The following ITGB2 variants were observed in gnomAD, a reference collection of about 807,000 sequenced individuals.
ITGB2 encodes the protein integrin subunit beta 2.
ITGB2 carries 56 observed loss-of-function variants against 86.8 expected under a neutral mutation model. The observed-to-expected ratio is 0.65, with a 90% confidence interval of 0.52 to 0.81. The LOEUF (loss-of-function observed/expected upper bound fraction) is 0.81, where lower values mean the gene tolerates loss of function less well. Ranked by LOEUF, ITGB2 falls within the 30% of genes least tolerant of loss-of-function variation. The pLI is 0.00. For missense variants in ITGB2, 948 were observed against 1,061.2 expected (o/e 0.89, Z 1.48); for synonymous variants, 457 against 450.4 (o/e 1.01, Z -0.19).
chr21:44,886,802 G>A lies in ITGB2; in HGVS notation c.2181C>T (p.Ile727=). The A allele has an allele frequency of 6.2e-7, 1 of 1,613,926 alleles. No homozygotes were observed. Residue 727 remains isoleucine (I), a synonymous_variant, in exon 15 of 16, where the codon ATC becomes ATT. Coordinates refer to ENST00000652462, the MANE Select transcript of ITGB2 (RefSeq NM_000211.5). ...ILLLVIWKAL[I]HLSDLREYRR... ...TGTACTCCCGGAGGTCGCTCAGGTG[G>A]ATCAGAGCCTTCCAGATGACCAGCA...
chr21:44,888,732 C>T lies in ITGB2; in HGVS notation c.2041G>A (p.Gly681Arg), dbSNP rs778865777. 98 of 1,610,958 alleles carry T rather than the reference C, an allele frequency of 6.1e-5. No homozygotes were observed. The highest frequency in any genetic ancestry group is 3.3e-4 in the Middle Eastern group (2 of 6,082). ...WVAYTLEQQD[G>R]MDRYLIYVDE... Reference sequence around the variant, plus strand: ...ACATAGATGAGGTAGCGGTCCATCCCGTCCTGCTGCTCCAGCGTGTAGGCC... The same window carrying T: ...ACATAGATGAGGTAGCGGTCCATCCTGTCCTGCTGCTCCAGCGTGTAGGCC... The change falls in exon 14 of 16, where the codon GGG becomes AGG. Residue 681 changes from glycine (G) to arginine (R), a missense_variant. Coordinates refer to ENST00000652462, the MANE Select transcript of ITGB2 (RefSeq NM_000211.5).
chr21:44,912,874 G>A (rs868511491), intron 1 of ITGB2, among the ~76,000 whole-genome samples: 1,014 of 68,932 alleles, frequency 0.015, 6 homozygotes, highest in African/African-American at 0.059. Context: ...GGGTCCAGCC[G>A]GCTTCAGGAC....
chr21:44,888,859 G>T lies in ITGB2; in HGVS notation c.1914C>A (p.Pro638=). ...CAECLKFEKG[P]FGKNCSAACP... is the part of the protein sequence containing the mutation. ...ACGCCGCGCTGCAGTTCTTCCCAAAGGGGCCCTTTTCGAACTTCAGGCACT... is the reference window on the plus strand; with the variant it reads ...ACGCCGCGCTGCAGTTCTTCCCAAATGGGCCCTTTTCGAACTTCAGGCACT... The change falls in exon 14 of 16, where the codon CCC becomes CCA. Residue 638 remains proline, a synonymous_variant. Coordinates refer to ENST00000652462, the MANE Select transcript of ITGB2 (RefSeq NM_000211.5). 3 of 1,608,930 alleles carry T rather than the reference G, an allele frequency of 1.9e-6. No homozygotes were observed. The highest frequency in any genetic ancestry group is 2.5e-6 in the Non-Finnish European group (3 of 1,179,944).
chr21:44,896,006 T>TGCCTGCGGTGTGAGTGATCCC (rs1354352877), intron 8 of ITGB2, among the ~76,000 whole-genome samples: 26 of 151,656 alleles, frequency 1.7e-4, no homozygotes, highest in Admixed American at 7.2e-4. Context: ...TGAGTCCTCC[T>TGCCTGCGGTGTGAGTGATCCC]GCCTGCGGTG....
chr21:44,901,894 T>C, intron 5 of ITGB2, 161 bp from the exon 6 acceptor site: 1 of 776,452 alleles, frequency 1.3e-6, no homozygotes, highest in Admixed American at 2.9e-5. Context: ...ATGTGCGTTG[T>C]GCAAGCACAC....
intron 1 of ITGB2, among the ~76,000 whole-genome samples, chr21:44,917,059 T>C (rs2146559484): frequency 6.6e-6 from 1 of 152,298 alleles, no homozygotes; most frequent in East Asian, 1.9e-4. Context: ...CATTCAAGGA[T>C]GTTTCAAGGG....
chr21:44,902,971 G>A (rs551328267), intron 5 of ITGB2, among the ~76,000 whole-genome samples: 7 of 151,832 alleles, frequency 4.6e-5, no homozygotes, highest in East Asian at 3.9e-4. Context: ...GGTGTAGAGC[G>A]GAGCCCTTGG....
rs114751954 is a variant in ITGB2, at chr21:44,927,097, C to T, written c.-4+1557G>A. On this transcript the variant is annotated intron_variant, in intron 1 of 15. Coordinates refer to the ITGB2 transcript ENST00000355153. ...TGGCCTGGGCCCCCCAGCTTCCCTT[C>T]GCCCAGCTTCCACCCCCATAACACA... is the stretch of plus-strand genomic sequence containing the variant. The T allele has an allele frequency of 5.1e-3, 780 of 152,602 alleles. 5 individuals carry two copies. The highest frequency in any genetic ancestry group is 0.018 in the African/African-American group (730 of 41,602). The allele number at this position is 152,602 out of a possible 1,614,324, so 9.5% of individuals were successfully genotyped here. A position where few individuals can be genotyped will look rare whatever the true frequency, so the allele number is the denominator to read the frequency against.
intron 1 of ITGB2, chr21:44,927,635 C>T (rs1313685970): frequency 6.6e-6 from 1 of 152,386 alleles, no homozygotes; most frequent in African/African-American, 2.4e-5. Flanking sequence ...TGACTTCCTT[C>T]TGCAGTGTTG....
At chr21:44,898,697 G>A (rs556693335) in intron 8 of ITGB2, among the ~76,000 whole-genome samples, 7 of 152,328 alleles carry the variant, frequency 4.6e-5, no homozygotes, top group South Asian at 2.1e-4. Context: ...ACGTTTTTGT[G>A]TAATTTTATC....
At chr21:44,908,832 T>C (rs944460560) in intron 3 of ITGB2, among the ~76,000 whole-genome samples, 1 of 152,172 alleles carries the variant, frequency 6.6e-6, no homozygotes, top group Non-Finnish European at 1.5e-5. Flanking sequence ...TGCAGCATCA[T>C]GTTGCTCCAG....
chr21:44,894,519 C>G (rs997621604), intron 9 of ITGB2: 12 of 259,260 alleles, frequency 4.6e-5, no homozygotes, highest in African/African-American at 2.6e-4. Flanking sequence ...GGGAGAAATT[C>G]AGGGGTTAAG....
intron 1 of ITGB2, among the ~76,000 whole-genome samples, chr21:44,927,398 C>T (rs1279893188): frequency 1.3e-5 from 2 of 152,046 alleles, no homozygotes; most frequent in Non-Finnish European, 2.9e-5. Flanking sequence ...TCTGGCCCCA[C>T]AGGGAGATGT....
At chr21:44,925,828 C>T (rs2084366248), upstream of ITGB2, among the ~76,000 whole-genome samples, 1 of 152,188 alleles carries the variant, frequency 6.6e-6, no homozygotes, top group South Asian at 2.1e-4. Context: ...CCTGTAATCC[C>T]AGCACTTTTG....
chr21:44,917,756 C>T (rs796189356), intron 1 of ITGB2, among the ~76,000 whole-genome samples: 11 of 152,350 alleles, frequency 7.2e-5, no homozygotes, highest in African/African-American at 2.6e-4. Context: ...CCATCACACA[C>T]AGAAACCTCC....
rs892510986 is a variant in ITGB2 at position 44,901,374 on chromosome 21, A to G, written c.741+118T>C. On this transcript the variant is annotated intron_variant, in intron 6 of 15. Transcript: ENST00000652462. ...GTGAGGAGCTGCTCTCCCCAGGCCC[A>G]GGCTGGAGTCCCTCAGACGACCTGC... 2.6e-5 allele frequency: 34 copies of G among 1,320,942 alleles called. No individual in the cohort carries two copies. The African/African-American group carries it at 4.1e-4, about 16-fold the overall frequency. The allele number at this position is 1,320,942 out of a possible 1,614,324, so 81.8% of individuals were successfully genotyped here. A position where few individuals can be genotyped will look rare whatever the true frequency, so the allele number is the denominator to read the frequency against.
intron 2 of ITGB2, 101 bp downstream of exon 2, chr21:44,910,624 G>T: frequency 6.8e-7 from 1 of 1,465,132 alleles, no homozygotes; most frequent in Non-Finnish European, 9.4e-7. Context: ...TCCTTCCCCA[G>T]CCTCCCGGGA....
intron 1 of ITGB2, among the ~76,000 whole-genome samples, chr21:44,916,194 T>C (rs1437578113): frequency 6.6e-6 from 1 of 152,152 alleles, no homozygotes; most frequent in Non-Finnish European, 1.5e-5. Context: ...GTGCTGGGAT[T>C]ACAGGCGTGA....
intron 4 of ITGB2, among the ~76,000 whole-genome samples, chr21:44,903,845 C>T (rs1157912597): frequency 6.6e-6 from 1 of 152,126 alleles, no homozygotes; most frequent in East Asian, 1.9e-4. Flanking sequence ...AGAGTGGCAG[C>T]GGCTCACCTG....
Sources: gnomAD v4.1 joint callset for allele counts (sites outside exome capture counted in the v4.1 genomes callset) on GRCh38, gnomAD v4.1.1 for gene constraint, MANE v1.5 for transcripts, NCBI Gene and HGNC (gene_info 2026-07-23, HGNC 2026-07-21) for gene names.